The following RAD23B variants were observed in gnomAD, a reference collection of about 807,000 sequenced individuals.
RAD23B encodes lysine-specific demethylase RAD23B.
In RAD23B, 5 loss-of-function variants were observed where a neutral mutation model predicts 49.1. The observed-to-expected ratio is 0.10, with a 90% CI of 0.05 to 0.21. RAD23B has a LOEUF of 0.21. Among genes scored for constraint, RAD23B ranks in the 10% least tolerant of loss-of-function variants. RAD23B has a pLI of 1.00. For synonymous variants in RAD23B, 184 were observed against 165.4 expected (o/e 1.11, Z -0.86); for missense variants, 356 against 486.7 (o/e 0.73, Z 2.53).
At position 107,306,394 on chromosome 9, in the gene RAD23B, A is replaced by C. The variant is rs1826773423; in HGVS notation, c.244A>C (p.Thr82Pro). Residue 82 changes from threonine to proline, a missense_variant, in exon 4 of 10, where the codon ACA becomes CCA. Physicochemically the swap from Thr to Pro is conservative, Grantham distance 38. Transcript: ENST00000358015. ...ATGTGTTTAGCCCAAAGCAGTGTCCACACCAGCACCAGCTACAACTCAGCA... is the reference window on the plus strand; with the variant it reads ...ATGTGTTTAGCCCAAAGCAGTGTCCCCACCAGCACCAGCTACAACTCAGCA... ...VMVTKPKAVS[T>P]PAPATTQQSA... 6.2e-7 allele frequency: 1 copy of C among 1,614,032 alleles called. No homozygotes were observed. The highest frequency in any genetic ancestry group is 1.3e-5 in the African/African-American group (1 of 75,052).
chr9:107,329,679 A>G lies in RAD23B; in HGVS notation c.*23A>G. On this transcript the variant is annotated 3_prime_UTR_variant, in exon 10 of 10. Transcript: ENST00000358015. ...TGAAAGGGACTTTTTTATATCTCAC[A>G]CTTCACACCAGTGCATTACACTAAC... The G allele has an allele frequency of 6.7e-7, 1 of 1,491,722 alleles. No homozygotes were observed. The highest frequency in any genetic ancestry group is 2.3e-5 in the East Asian group (1 of 44,124). The allele number at this position is 1,491,722 out of a possible 1,614,324, so 92.4% of individuals were successfully genotyped here.
intron 6 of RAD23B, among the ~76,000 whole-genome samples, chr9:107,321,711 A>G (rs922285173): frequency 5.3e-5 from 8 of 152,226 alleles, no homozygotes; most frequent in Admixed American, 3.9e-4. Context: ...TGAACAACAC[A>G]GAGAATATTT....
chr9:107,325,159 A>G, intron 9 of RAD23B, 155 bp downstream of exon 9: 1 of 561,824 alleles, frequency 1.8e-6, no homozygotes, highest in Admixed American at 3.4e-5. Context: ...TACTAAAAAT[A>G]CAAAAATTAG....
chr9:107,306,557 A>C lies in RAD23B; in HGVS notation c.407A>C (p.Glu136Ala). ...CCAGCATCAGCGACAGCATCTTCTG[A>C]ACCTGCACCTGCTAGTGCAGCTAAA... ...ITPASATASS[E>A]PAPASAAKQE... Residue 136 changes from glutamate (E) to alanine (A), a missense_variant, in exon 4 of 10, where the codon GAA becomes GCA. By Grantham distance (107) the Glu-to-Ala change is moderately radical (BLOSUM62 -1). This residue lies in a region of RAD23B where 137 missense variants were observed against 122.0 expected (regional missense o/e 1.12). Transcript: ENST00000358015. The C allele has an allele frequency of 6.2e-7, 1 of 1,614,114 alleles. No homozygotes were observed. Among genetic ancestry groups the C allele is most frequent in the East Asian group, 2.2e-5 (1 of 44,868 alleles).
At chr9:107,306,085 A>ATATATGTATATATATATACACTC (rs1554741862) in intron 3 of RAD23B, among the ~76,000 whole-genome samples, 15 of 122,928 alleles carry the variant, frequency 1.2e-4, no homozygotes, top group Non-Finnish European at 2.0e-4. Flanking sequence ...ATATATCTAT[A>ATATATGTATATATATATACACTC]TATATTTCAA....
intron 1 of RAD23B, among the ~76,000 whole-genome samples, chr9:107,294,646 AAG>A (rs761729433): frequency 3.9e-5 from 6 of 152,230 alleles, no homozygotes; most frequent in Non-Finnish European, 7.3e-5. Flanking sequence ...GATTTAAACA[AAG>A]TAATTTAGAC....
chr9:107,305,039 A>G (rs1333765707), intron 3 of RAD23B, among the ~76,000 whole-genome samples: 2 of 152,124 alleles, frequency 1.3e-5, no homozygotes, highest in African/African-American at 2.4e-5. Context: ...CTGTAATCCC[A>G]TCGCCTTGGG....
At chr9:107,287,076 A>G (rs539246112) in intron 1 of RAD23B, among the ~76,000 whole-genome samples, 36 of 136,424 alleles carry the variant, frequency 2.6e-4, no homozygotes, top group South Asian at 4.4e-4. Flanking sequence ...CTCCGTCTCA[A>G]AAAAAAAAAA....
intron 1 of RAD23B, among the ~76,000 whole-genome samples, chr9:107,294,475 C>T (rs563510284): frequency 7.9e-5 from 12 of 152,134 alleles, no homozygotes; most frequent in Non-Finnish European, 1.6e-4. Flanking sequence ...TGGGGCTCAG[C>T]GCAGTTAAAG....
At position 107,330,662 on chromosome 9, in the gene RAD23B, A is replaced by G. The variant is rs1827289969; in HGVS notation, c.*1006A>G. 6.5e-6 allele frequency: 1 copy of G among 152,774 alleles called. No homozygotes were observed. Among genetic ancestry groups the G allele is most frequent in the South Asian group, 2.1e-4 (1 of 4,830 alleles). The allele number at this position is 152,774 out of a possible 1,614,324, so 9.5% of individuals were successfully genotyped here. A position where few individuals can be genotyped will look rare whatever the true frequency, so the allele number is the denominator to read the frequency against. On this transcript the variant is annotated 3_prime_UTR_variant, in exon 10 of 10. Transcript: ENST00000358015. The surrounding 1 kb of genome is among the most constrained non-coding windows in gnomAD (Gnocchi z 4.4). ...CAAATGTTTCAAAACTGGGTTTCTG[A>G]TATTTGTAAATGTGTTTCTTTATTA...
At chr9:107,285,884 C>G (rs1240542005) in intron 1 of RAD23B, among the ~76,000 whole-genome samples, 6 of 152,086 alleles carry the variant, frequency 3.9e-5, no homozygotes, top group African/African-American at 1.4e-4. Context: ...ACAACTGTTT[C>G]AATTCTATGT....
In RAD23B at chr9:107,302,966, A is replaced by C. The variant is rs191565941; in HGVS notation, c.228+852A>C. On this transcript the variant is annotated intron_variant, in intron 3 of 9. Coordinates refer to ENST00000358015, the MANE Select transcript of RAD23B (RefSeq NM_002874.5). ...CCACCGCGCCCAGCCTGGAAGTTTT[A>C]AACAGATACTTTTTTGTGATTTAGT... Among the ~76,000 whole-genome samples, 846 of 152,244 alleles carry C rather than the reference A, an allele frequency of 5.6e-3. 4 individuals carry two copies. The highest frequency in any genetic ancestry group is 0.02 in the Admixed American group (308 of 15,286).
chr9:107,302,148 C>T, intron 3 of RAD23B, 34 bp downstream of exon 3: 1 of 1,607,226 alleles, frequency 6.2e-7, no homozygotes, highest in Non-Finnish European at 8.5e-7. Flanking sequence ...TATCTTTATG[C>T]ATGTAGGTCT....
chr9:107,295,106 A>G (rs11573644), intron 1 of RAD23B, among the ~76,000 whole-genome samples: 2,416 of 151,554 alleles, frequency 0.016, 59 homozygotes, highest in African/African-American at 0.055. Context: ...CTACCAGAGA[A>G]AATAAGCAGC....
At chr9:107,302,348 A>G (rs993870608) in intron 3 of RAD23B, among the ~76,000 whole-genome samples, 1 of 152,120 alleles carries the variant, frequency 6.6e-6, no homozygotes, top group Non-Finnish European at 1.5e-5. Flanking sequence ...AAATTAAAAC[A>G]ATTGAAAAAT....
chr9:107,293,946 G>A (rs1253921400), intron 1 of RAD23B, among the ~76,000 whole-genome samples: 3 of 152,218 alleles, frequency 2.0e-5, no homozygotes, highest in African/African-American at 4.8e-5. Flanking sequence ...CACAGCACCC[G>A]TCTAATTAAA....
Position 107,301,489 on chromosome 9 carries a change from T to C in RAD23B, c.149-546T>C, listed in dbSNP as rs1352697555. Among the ~76,000 whole-genome samples the C allele has an allele frequency of 1.1e-3, 165 of 152,212 alleles. 3 individuals carry two copies. The highest frequency in any genetic ancestry group is 0.011 in the Admixed American group (164 of 15,276). ...ATACATTTGTAAAAATTGATTGTCA[T>C]TCTATATACACTATATAAGTTTGAC... is the stretch of plus-strand genomic sequence containing the variant. On this transcript the variant is annotated intron_variant, in intron 2 of 9. Transcript: ENST00000358015.
At chr9:107,308,701 G>A (rs7847961) in intron 4 of RAD23B, among the ~76,000 whole-genome samples, 1 of 152,142 alleles carries the variant, frequency 6.6e-6, no homozygotes, top group Non-Finnish European at 1.5e-5. Flanking sequence ...TACACCAACT[G>A]CTTACTCTTA....
chr9:107,306,073 C>CTA (rs1564245563), intron 3 of RAD23B, among the ~76,000 whole-genome samples: 4 of 63,506 alleles, frequency 6.3e-5, no homozygotes, highest in African/African-American at 1.2e-4. Context: ...ATATATATAT[C>CTA]TATATATCTA....
Sources: gnomAD v4.1 joint callset for allele counts (sites outside exome capture counted in the v4.1 genomes callset) on GRCh38, gnomAD v4.1.1 for gene constraint, gnomAD v4.1.1 regional missense constraint, Gnocchi (gnomAD v3.1) non-coding constraint, MANE v1.5 for transcripts, NCBI Gene and HGNC (gene_info 2026-07-23, HGNC 2026-07-21) for gene names.